PRH1: variants seen among roughly 807,000 people sequenced by gnomAD.
PRH1 encodes proline rich protein HaeIII subfamily 1.
In PRH1, 7 loss-of-function variants were observed where a neutral mutation model predicts 7.9. The observed-to-expected ratio is 0.89, with a 90% confidence interval of 0.50 to 1.67. The LOEUF (loss-of-function observed/expected upper bound fraction) is 1.67. Ranked by LOEUF, PRH1 falls within the 40% of genes most tolerant of loss-of-function variation. The pLI is 0.00. For missense variants in PRH1, 109 were observed against 223.6 expected (o/e 0.49, Z 3.27); for synonymous variants, 45 against 80.8 (o/e 0.56, Z 2.38).
rs146326182 is a variant in PRH1, at chr12:10,995,786, A to G, written c.-125-22065T>C. 1.3e-3 allele frequency among the ~76,000 whole-genome samples: 204 copies of G among 152,270 alleles called. 2 individuals carry two copies. Among genetic ancestry groups the G allele is most frequent in the African/African-American group, 4.6e-3 (191 of 41,568 alleles). ...GGTTTTTGTTTAATTCAAAAACTGG[A>G]AGAGATGACTTTTCTAATTGCGTAT... On this transcript the variant is annotated intron_variant, in intron 1 of 3. Transcript: ENST00000539853.
downstream of PRH1, among the ~76,000 whole-genome samples, chr12:11,120,002 A>G (rs1386088920): frequency 6.6e-6 from 1 of 152,270 alleles, no homozygotes; most frequent in African/African-American, 2.4e-5. Flanking sequence ...ATATGACTAT[A>G]GAAAGTTGTA....
chr12:11,014,067 G>A (rs1189433434), intron 1 of PRH1, among the ~76,000 whole-genome samples: 2 of 152,136 alleles, frequency 1.3e-5, no homozygotes, highest in African/African-American at 4.8e-5. Flanking sequence ...ACATTTGAAG[G>A]AAAAATATTT....
rs1947090625 is a variant in PRH1 at position 11,151,688 on chromosome 12, T to G, written n.39+19734A>C. 3.3e-5 allele frequency among the ~76,000 whole-genome samples: 5 copies of G among 152,342 alleles called. No individual in the cohort carries two copies. The South Asian group carries it at 1.0e-3, about 32-fold the overall frequency. Reference sequence around the variant, plus strand: ...CTTTTCTGTGGAACTCATAATATGATAAGCATTTGTTACAAGATTGCCTGT... The same window carrying G: ...CTTTTCTGTGGAACTCATAATATGAGAAGCATTTGTTACAAGATTGCCTGT... On this transcript the variant is annotated intron_variant and non_coding_transcript_variant, in intron 1 of 1. Coordinates refer to the PRH1 transcript ENST00000541175.
intron 1 of PRH1, among the ~76,000 whole-genome samples, chr12:11,075,104 C>T (rs1181157591): frequency 7.2e-6 from 1 of 138,232 alleles, no homozygotes; most frequent in Non-Finnish European, 1.6e-5. Flanking sequence ...GGCTCTAGTT[C>T]TAGACACCCA....
At chr12:11,159,034 AT>A (rs1447080494) in intron 1 of PRH1, 1 of 155,426 alleles carries the variant, frequency 6.4e-6, no homozygotes, top group African/African-American at 2.4e-5. Flanking sequence ...TGGCCCTTTT[AT>A]GGGCCTCTGT....
rs191851055 is a variant in PRH1, at chr12:11,136,352, G to C, written n.40-15172C>G. Among the ~76,000 whole-genome samples the C allele has an allele frequency of 1.8e-4, 27 of 152,160 alleles. No homozygotes were observed. The East Asian group carries it at 4.6e-3, about 26-fold the overall frequency. On this transcript the variant is annotated intron_variant and non_coding_transcript_variant, in intron 1 of 1. Transcript: ENST00000541175. ...CTTCTCTATATTGTTCCGTTGCATG[G>C]AATTAATGTAATGATTCACCCATCC... is the stretch of plus-strand genomic sequence containing the variant.
At position 11,106,662 on chromosome 12, in the gene PRH1, A is replaced by T. The variant is rs527731169; in HGVS notation, n.124-59474T>A. 2.0e-4 allele frequency among the ~76,000 whole-genome samples: 21 copies of T among 104,782 alleles called. No homozygotes were observed. The East Asian group carries it at 4.8e-3, about 24-fold the overall frequency. The allele number at this position is 104,782 out of a possible 152,430, so 68.7% of individuals were successfully genotyped here. ...TAATGGTTTAAGAGGAATCGATGTT[A>T]AAATCAGTCTCCAATCTTGGATTTT... On this transcript the variant is annotated intron_variant and non_coding_transcript_variant, in intron 1 of 4. Transcript: ENST00000541977.
At chr12:10,888,922 T>C (rs1164045571), upstream of PRH1, among the ~76,000 whole-genome samples, 1 of 152,194 alleles carries the variant, frequency 6.6e-6, no homozygotes, top group Non-Finnish European at 1.5e-5. Context: ...TTCACTGAGT[T>C]AAATCCATGT....
intron 1 of PRH1, among the ~76,000 whole-genome samples, chr12:11,041,709 G>T (rs1482202197): frequency 6.6e-6 from 1 of 152,084 alleles, no homozygotes; most frequent in Non-Finnish European, 1.5e-5. Context: ...TTTTTCTCAA[G>T]GATAGACCAT....
downstream of PRH1, among the ~76,000 whole-genome samples, chr12:11,119,282 G>A (rs1049550409): frequency 6.7e-6 from 1 of 148,898 alleles, no homozygotes; most frequent in Admixed American, 6.8e-5. Context: ...AGGTAGTGGG[G>A]GCTAAAGGGA....
chr12:11,079,701 C>T (rs111550955), intron 1 of PRH1, among the ~76,000 whole-genome samples: 1,546 of 54,700 alleles, frequency 0.028, 13 homozygotes, highest in Non-Finnish European at 0.044. Flanking sequence ...AGTTTTGTCA[C>T]ATGAAGTGGA....
chr12:10,911,594 T>C (rs1455668990), intron 2 of PRH1, among the ~76,000 whole-genome samples: 2 of 152,318 alleles, frequency 1.3e-5, no homozygotes, highest in East Asian at 1.9e-4. Flanking sequence ...GCCAACGTTG[T>C]GTTAGGATAT....
intron 2 of PRH1, among the ~76,000 whole-genome samples, chr12:10,919,000 A>G (rs1244636212): frequency 6.6e-6 from 1 of 152,146 alleles, no homozygotes; most frequent in Non-Finnish European, 1.5e-5. Context: ...ATTCATTTTA[A>G]ATGTACTCTG....
At chr12:11,028,043 G>A (rs1419261402) in intron 1 of PRH1, among the ~76,000 whole-genome samples, 1 of 152,158 alleles carries the variant, frequency 6.6e-6, no homozygotes, top group Non-Finnish European at 1.5e-5. Context: ...ACAAACATGT[G>A]CTTTCTCAGA....
chr12:10,910,155 A>T (rs1323230191), intron 2 of PRH1, among the ~76,000 whole-genome samples: 1 of 152,220 alleles, frequency 6.6e-6, no homozygotes, highest in African/African-American at 2.4e-5. Context: ...CATGAGGCCT[A>T]TGTCCCAAGA....
At chr12:11,066,207 T>G (rs1291498042) in intron 1 of PRH1, among the ~76,000 whole-genome samples, 1 of 148,882 alleles carries the variant, frequency 6.7e-6, no homozygotes, top group East Asian at 1.9e-4. Context: ...GAGTATAGTT[T>G]TGTTTATAGA....
intron 1 of PRH1, among the ~76,000 whole-genome samples, chr12:11,012,076 A>G (rs1381481980): frequency 2.0e-5 from 3 of 152,196 alleles, no homozygotes; most frequent in Non-Finnish European, 4.4e-5. Context: ...TAAAATATTT[A>G]GCAATTTTGT....
chr12:10,918,180 T>C (rs1198405507), intron 2 of PRH1, among the ~76,000 whole-genome samples: 1 of 151,902 alleles, frequency 6.6e-6, no homozygotes, highest in Admixed American at 6.6e-5. Flanking sequence ...TGAGATCACA[T>C]GGACACAGGG....
rs370226460 is a variant in PRH1 at position 10,962,855 on chromosome 12, C to G, written c.-59+10800G>C. Among the ~76,000 whole-genome samples, 719 of 152,274 alleles carry G rather than the reference C, an allele frequency of 4.7e-3. 6 individuals carry two copies. The highest frequency in any genetic ancestry group is 0.017 in the African/African-American group (693 of 41,568). Reference sequence around the variant, plus strand: ...CGCGATCTCGGCTCACTGCAAGCTCCGCCTCCTGGGTTCATGCCATTCTCC... The same window carrying G: ...CGCGATCTCGGCTCACTGCAAGCTCGGCCTCCTGGGTTCATGCCATTCTCC... On this transcript the variant is annotated intron_variant, in intron 2 of 3. Coordinates refer to the PRH1 transcript ENST00000539853.
Sources: gnomAD v4.1 joint callset for allele counts (sites outside exome capture counted in the v4.1 genomes callset) on GRCh38, gnomAD v4.1.1 for gene constraint, MANE v1.5 for transcripts, NCBI Gene and HGNC (gene_info 2026-07-23, HGNC 2026-07-21) for gene names.